Variants in USH2A observed in about 807,000 individuals in gnomAD.
USH2A encodes the protein usherin.
Under a neutral mutation model 538.9 loss-of-function variants are expected in USH2A, and 443 were observed. The observed-to-expected ratio is 0.82, with a 90% CI of 0.76 to 0.89. The LOEUF (loss-of-function observed/expected upper bound fraction) is 0.89, where lower values mean the gene tolerates loss of function less well. Ranked by LOEUF, USH2A falls within the 40% of genes least tolerant of loss-of-function variation. The pLI is 0.00. For missense variants in USH2A, 6,633 were observed against 6,324.8 expected (o/e 1.05, Z -1.65); for synonymous variants, 2,413 against 2,273.5 (o/e 1.06, Z -1.75).
At chr1:215,931,684 C>T (rs1018635591) in intron 38 of USH2A, among the ~76,000 whole-genome samples, 5 of 152,064 alleles carry the variant, frequency 3.3e-5, no homozygotes, top group African/African-American at 1.2e-4. Context: ...AGTCGTTAAG[C>T]AATCTTGACT....
At chr1:216,205,308 G>A (rs560521770) in intron 16 of USH2A, among the ~76,000 whole-genome samples, 1 of 152,198 alleles carries the variant, frequency 6.6e-6, no homozygotes, top group East Asian at 1.9e-4. Flanking sequence ...GCTGATATTT[G>A]GAAGAAAATA....
intron 21 of USH2A, among the ~76,000 whole-genome samples, chr1:216,127,764 TA>T (rs1245675716): frequency 6.6e-6 from 1 of 152,234 alleles, no homozygotes; most frequent in Non-Finnish European, 1.5e-5. Flanking sequence ...AATGCTGTTG[TA>T]GCAAAACTGT....
intron 22 of USH2A, among the ~76,000 whole-genome samples, chr1:216,092,450 C>T (rs1472584927): frequency 1.3e-5 from 2 of 152,110 alleles, no homozygotes; most frequent in East Asian, 1.9e-4. Flanking sequence ...AAATGTAATG[C>T]CAATAGAAGG....
chr1:216,281,301 T>G (rs1437892073), intron 11 of USH2A, among the ~76,000 whole-genome samples: 1 of 152,170 alleles, frequency 6.6e-6, no homozygotes, highest in Admixed American at 6.5e-5. Context: ...TGAATGAAAA[T>G]TCTCCTTTTT....
chr1:215,855,735 CTA>C (rs1664147310), intron 44 of USH2A, among the ~76,000 whole-genome samples: 1 of 152,084 alleles, frequency 6.6e-6, no homozygotes, highest in South Asian at 2.1e-4. Context: ...CAAAGCAAGA[CTA>C]TGCTAAAAGG....
intron 38 of USH2A, among the ~76,000 whole-genome samples, chr1:215,919,519 C>T (rs1241255940): frequency 6.6e-6 from 1 of 152,036 alleles, no homozygotes; most frequent in Non-Finnish European, 1.5e-5. Flanking sequence ...TTAGGATTCA[C>T]ACTCTTTATG....
At chr1:216,326,375 T>C (rs896437351) in intron 5 of USH2A, among the ~76,000 whole-genome samples, 1 of 152,150 alleles carries the variant, frequency 6.6e-6, no homozygotes, top group African/African-American at 2.4e-5. Context: ...CAGACCCCAG[T>C]GGAGCAGTGA....
At chr1:215,689,739 C>A (rs1658541536) in intron 61 of USH2A, among the ~76,000 whole-genome samples, 1 of 152,196 alleles carries the variant, frequency 6.6e-6, no homozygotes, top group African/African-American at 2.4e-5. Flanking sequence ...CAGGGCCTCC[C>A]TCTCATTCCC....
At chr1:215,763,485 T>C (rs1271518804) in intron 56 of USH2A, among the ~76,000 whole-genome samples, 1 of 151,974 alleles carries the variant, frequency 6.6e-6, no homozygotes, top group African/African-American at 2.4e-5. Flanking sequence ...GGAACCCACA[T>C]AAAGTCGTAG....
chr1:215,964,152 G>C (rs558631910), intron 37 of USH2A, among the ~76,000 whole-genome samples: 13 of 152,228 alleles, frequency 8.5e-5, no homozygotes, highest in African/African-American at 3.1e-4. Flanking sequence ...GGGGGAATAT[G>C]GCTCTTGCAT....
intron 67 of USH2A, among the ~76,000 whole-genome samples, chr1:215,642,005 T>C (rs1365073137): frequency 6.6e-6 from 1 of 152,190 alleles, no homozygotes; most frequent in Non-Finnish European, 1.5e-5. Context: ...TCCATCACCT[T>C]AGTTCAGTAG....
intron 63 of USH2A, among the ~76,000 whole-genome samples, chr1:215,672,786 T>C (rs933752149): frequency 3.3e-5 from 5 of 152,234 alleles, no homozygotes; most frequent in African/African-American, 1.2e-4. Context: ...CTCTGTTTTA[T>C]GTCAATGCCA....
At chr1:216,086,229 T>C (rs969919998) in intron 24 of USH2A, among the ~76,000 whole-genome samples, 65 of 152,118 alleles carry the variant, frequency 4.3e-4, no homozygotes, top group African/African-American at 1.5e-3. Flanking sequence ...TAGGCTGGAA[T>C]TGTCTGTTTA....
intron 15 of USH2A, among the ~76,000 whole-genome samples, chr1:216,212,972 C>A (rs1396820535): frequency 6.6e-6 from 1 of 152,014 alleles, no homozygotes; most frequent in Non-Finnish European, 1.5e-5. Context: ...TCATGAGACA[C>A]TGGAGAGCAC....
chr1:216,288,701 C>G (rs1003889277), intron 11 of USH2A, among the ~76,000 whole-genome samples: 9 of 152,142 alleles, frequency 5.9e-5, no homozygotes, highest in South Asian at 2.1e-4. Context: ...CAATAAGAAG[C>G]CTGTTTTCCT....
chr1:216,118,479 C>T (rs1420400555), intron 21 of USH2A, among the ~76,000 whole-genome samples: 1 of 152,108 alleles, frequency 6.6e-6, no homozygotes. Flanking sequence ...TTCTCATAAG[C>T]ACACAGACCT....
Position 215,878,692 on chromosome 1 carries a change from C to G in USH2A, c.8558+72G>C. 3 of 1,488,572 alleles carry G rather than the reference C, an allele frequency of 2.0e-6. No individual in the cohort carries two copies. In the South Asian group the frequency reaches 3.6e-5, roughly 18 times the overall value. 92.2% of individuals were successfully genotyped at this position (1,488,572 alleles called of 1,614,324 possible). A position where few individuals can be genotyped will look rare whatever the true frequency, so the allele number is the denominator to read the frequency against. On this transcript the variant is annotated intron_variant, in intron 42 of 71. Transcript: ENST00000307340. ...TCTATGTTCATATAGGAATAAAAGC[C>G]TCCTTCATTTCCCTACTTCTCAGAG...
chr1:215,948,639 A>AT (rs2102438519), intron 37 of USH2A, among the ~76,000 whole-genome samples: 1 of 152,106 alleles, frequency 6.6e-6, no homozygotes, highest in Non-Finnish European at 1.5e-5. Context: ...ATATAGTTGA[A>AT]TATTTAGAAA....
At chr1:216,076,166 C>G (rs1294862427) in intron 27 of USH2A, among the ~76,000 whole-genome samples, 1 of 152,040 alleles carries the variant, frequency 6.6e-6, no homozygotes, top group Non-Finnish European at 1.5e-5. Flanking sequence ...TTTTTAATAA[C>G]CATTCCAGGT....
Sources: allele counts gnomAD v4.1 joint callset (sites outside exome capture counted in the v4.1 genomes callset), GRCh38; gene constraint gnomAD v4.1.1; transcripts MANE v1.5; gene names NCBI Gene and HGNC (gene_info 2026-07-23, HGNC 2026-07-21).